Variants in ADAMTS6 observed in about 807,000 individuals in gnomAD.
ADAMTS6 encodes ADAM metallopeptidase with thrombospondin type 1 motif 6.
ADAMTS6 carries 23 observed loss-of-function variants against 144.3 expected under a neutral mutation model. The observed-to-expected ratio is 0.16, with a 90% confidence interval of 0.11 to 0.23. The LOEUF (loss-of-function observed/expected upper bound fraction) is 0.23, where lower values mean the gene tolerates loss of function less well. ADAMTS6 is among the 10% of genes least tolerant of loss of function. The pLI, the probability that ADAMTS6 is intolerant of heterozygous loss-of-function variation, is 1.00. For synonymous variants in ADAMTS6, 444 were observed against 457.5 expected (o/e 0.97, Z 0.38); for missense variants, 999 against 1,379.6 (o/e 0.72, Z 4.37).
chr5:65,460,468 T>A, intron 3 of ADAMTS6, 130 bp from the exon 4 acceptor site: 1 of 829,446 alleles, frequency 1.2e-6, no homozygotes, highest in Non-Finnish European at 1.8e-6. Context: ...ATAAAAAAAT[T>A]AGCGAATTAT....
chr5:65,463,616 G>C (rs1201303303), intron 3 of ADAMTS6, among the ~76,000 whole-genome samples: 5 of 152,066 alleles, frequency 3.3e-5, no homozygotes, highest in African/African-American at 7.2e-5. Context: ...AAATTCCTTT[G>C]AGAAGCCCAA....
At chr5:65,336,112 A>G (rs1007488113) in intron 7 of ADAMTS6, among the ~76,000 whole-genome samples, 2 of 152,120 alleles carry the variant, frequency 1.3e-5, no homozygotes, top group Admixed American at 1.3e-4. Flanking sequence ...CTTAGAAAAT[A>G]GTTTGTATAG....
chr5:65,196,881 A>C (rs1755420076), intron 21 of ADAMTS6, 141 bp downstream of exon 21: 6 of 1,018,166 alleles, frequency 5.9e-6, no homozygotes, highest in Non-Finnish European at 8.1e-6. Context: ...GAGACATCAA[A>C]ATTCCTCCCT....
At chr5:65,313,143 AC>A (rs1744663113) in intron 9 of ADAMTS6, among the ~76,000 whole-genome samples, 1 of 122,636 alleles carries the variant, frequency 8.2e-6, no homozygotes, top group Non-Finnish European at 1.6e-5. Flanking sequence ...ACACACACAC[AC>A]ACACACACAC....
intron 7 of ADAMTS6, among the ~76,000 whole-genome samples, chr5:65,370,043 G>A (rs1376208513): frequency 6.6e-6 from 1 of 151,790 alleles, no homozygotes; most frequent in Non-Finnish European, 1.5e-5. Flanking sequence ...CAAATGAACA[G>A]TATATACTCT....
intron 17 of ADAMTS6, 130 bp downstream of exon 17, chr5:65,224,794 A>C: frequency 1.8e-6 from 2 of 1,106,462 alleles, no homozygotes; most frequent in Non-Finnish European, 2.5e-6. Context: ...AAATGACTGA[A>C]AGCAATTTGG....
chr5:65,407,320 G>C (rs913533742), intron 7 of ADAMTS6, among the ~76,000 whole-genome samples: 1 of 152,008 alleles, frequency 6.6e-6, no homozygotes, highest in Non-Finnish European at 1.5e-5. Flanking sequence ...AAGAGAGTGG[G>C]GGGCCAATAT....
At chr5:65,467,891 C>CT (rs1479915962) in intron 3 of ADAMTS6, among the ~76,000 whole-genome samples, 1 of 151,988 alleles carries the variant, frequency 6.6e-6, no homozygotes, top group East Asian at 1.9e-4. Flanking sequence ...AAGAAATTAG[C>CT]CCAATAAATT....
intron 7 of ADAMTS6, among the ~76,000 whole-genome samples, chr5:65,402,050 T>A (rs183889189): frequency 6.4e-4 from 97 of 152,266 alleles, no homozygotes; most frequent in African/African-American, 2.3e-3. Context: ...AGCTATCTAC[T>A]TCCGTAATCA....
Position 65,471,007 on chromosome 5 carries a change from G to A in ADAMTS6, c.233C>T (p.Pro78Leu). The change falls in exon 3 of 25, where the codon CCA becomes CTA. Residue 78 changes from proline to leucine, a missense_variant. Coordinates refer to ENST00000381055, the MANE Select transcript of ADAMTS6 (RefSeq NM_197941.4). Reference protein sequence around the residue: ...RRRRSMDPIDPQQAVSKLFFK... With the variant: ...RRRRSMDPIDLQQAVSKLFFK... ...AAATAACTTAGATACTGCCTGCTGT[G>A]GATCAATAGGGTCCATACTCCGTCT... 6.2e-7 allele frequency: 1 copy of A among 1,612,674 alleles called. No individual in the cohort carries two copies. The highest frequency in any genetic ancestry group is 8.5e-7 in the Non-Finnish European group (1 of 1,179,524).
At chr5:65,155,280 A>G (rs947010849) in intron 24 of ADAMTS6, among the ~76,000 whole-genome samples, 5 of 152,146 alleles carry the variant, frequency 3.3e-5, no homozygotes, top group African/African-American at 9.7e-5. Flanking sequence ...GTGTTGCTCA[A>G]TGATGGGGAT....
intron 15 of ADAMTS6, among the ~76,000 whole-genome samples, chr5:65,229,438 A>G (rs747361056): frequency 2.0e-5 from 3 of 152,206 alleles, no homozygotes; most frequent in Non-Finnish European, 4.4e-5. Flanking sequence ...GAAACATGGT[A>G]ATATTCCAAT....
rs115596398 is a variant in ADAMTS6, at chr5:65,334,623, G to A, written c.1074-538C>T. 8.9e-3 allele frequency among the ~76,000 whole-genome samples: 1,356 copies of A among 152,220 alleles called. 20 individuals are homozygous for A. Among genetic ancestry groups the A allele is most frequent in the African/African-American group, 0.031 (1,278 of 41,530 alleles). On this transcript the variant is annotated intron_variant, in intron 7 of 24. Coordinates refer to ENST00000381055, the MANE Select transcript of ADAMTS6 (RefSeq NM_197941.4). ...TTTATATTACATATTTCTCCTAGTT[G>A]TATACCAGCAAATTAGCATGGCTAA...
intron 7 of ADAMTS6, among the ~76,000 whole-genome samples, chr5:65,379,728 G>C (rs1304485017): frequency 1.3e-5 from 2 of 151,654 alleles, no homozygotes; most frequent in Non-Finnish European, 2.9e-5. Context: ...TCGATACCTG[G>C]CAAACAGTGT....
chr5:65,276,129 C>T (rs932992488), intron 11 of ADAMTS6, among the ~76,000 whole-genome samples: 1 of 152,146 alleles, frequency 6.6e-6, no homozygotes, highest in African/African-American at 2.4e-5. Context: ...AATCTCTACC[C>T]AAAGTAGCAG....
At chr5:65,221,432 C>G (rs1353321207) in intron 18 of ADAMTS6, among the ~76,000 whole-genome samples, 1 of 152,134 alleles carries the variant, frequency 6.6e-6, no homozygotes, top group Non-Finnish European at 1.5e-5. Flanking sequence ...ATCTTCAATA[C>G]CCATTCATGA....
intron 7 of ADAMTS6, 192 bp downstream of exon 7, chr5:65,451,282 CT>C: frequency 3.9e-6 from 2 of 508,996 alleles, no homozygotes; most frequent in South Asian, 3.6e-5. Context: ...TTAATATTTT[CT>C]TTTTTCTTAT....
Position 65,347,337 on chromosome 5 carries a change from A to G in ADAMTS6, c.1074-13252T>C, listed in dbSNP as rs560979220. ...CAATGGAACAGAACAGAGAGCCCAG[A>G]AATAAATCTGTGCTTTATACTCAAT... On this transcript the variant is annotated intron_variant, in intron 7 of 24. Transcript: ENST00000381055. 7.9e-5 allele frequency among the ~76,000 whole-genome samples: 12 copies of G among 152,180 alleles called. No homozygotes were observed. The Middle Eastern group carries it at 0.01, about 129-fold the overall frequency.
At chr5:65,335,053 C>A (rs536815073) in intron 7 of ADAMTS6, among the ~76,000 whole-genome samples, 1 of 152,158 alleles carries the variant, frequency 6.6e-6, no homozygotes, top group East Asian at 1.9e-4. Context: ...ATATAAATAA[C>A]GATTAGTCAA....
Sources: allele counts gnomAD v4.1 joint callset (sites outside exome capture counted in the v4.1 genomes callset), GRCh38; gene constraint gnomAD v4.1.1; transcripts MANE v1.5; gene names NCBI Gene and HGNC (gene_info 2026-07-23, HGNC 2026-07-21).